The following TRPC5 variants were observed in gnomAD, a reference collection of about 807,000 sequenced individuals.
TRPC5 encodes the protein short transient receptor potential channel 5.
In TRPC5, 9 loss-of-function variants were observed where a neutral mutation model predicts 56.5. The observed-to-expected ratio is 0.16, with a 90% CI of 0.10 to 0.28. The LOEUF (loss-of-function observed/expected upper bound fraction) is 0.28. Ranked by LOEUF, TRPC5 falls within the 10% of genes least tolerant of loss-of-function variation. TRPC5 has a pLI of 1.00. For missense variants in TRPC5, 469 were observed against 748.9 expected (o/e 0.63, Z 4.36); for synonymous variants, 282 against 278.5 (o/e 1.01, Z -0.13).
chrX:111,774,654 C>G lies in TRPC5; in HGVS notation c.*1659G>C, dbSNP rs1182153821. 1 of 111,080 alleles carries G rather than the reference C, an allele frequency of 9.0e-6. No individual in the cohort carries two copies. The allele number at this position is 111,080 out of a possible 1,213,427, so 9.2% of individuals were successfully genotyped here. On this transcript the variant is annotated 3_prime_UTR_variant, in exon 11 of 11. Transcript: ENST00000262839. ...CCCTCCCCCTCCATTTTGCTCTTCTCCAGGCTAGAGACAAAGATGGGAATC... is the reference window on the plus strand; with the variant it reads ...CCCTCCCCCTCCATTTTGCTCTTCTGCAGGCTAGAGACAAAGATGGGAATC...
chrX:112,056,867 GT>G (rs749169680), intron 1 of TRPC5, among the ~76,000 whole-genome samples: 1 of 112,396 alleles, frequency 8.9e-6, no homozygotes, highest in East Asian at 2.8e-4. Context: ...AATTTCAATT[GT>G]TTGATTTTCC....
intron 7 of TRPC5, among the ~76,000 whole-genome samples, chrX:111,790,253 T>C (rs1158774837): frequency 9.0e-6 from 1 of 111,520 alleles, no homozygotes; most frequent in Non-Finnish European, 1.9e-5. Context: ...GTTCATGTCC[T>C]TTGCAGGGAC....
At chrX:111,949,876 G>A (rs762545418) in intron 2 of TRPC5, among the ~76,000 whole-genome samples, 4 of 111,379 alleles carry the variant, frequency 3.6e-5, no homozygotes, top group Non-Finnish European at 5.6e-5. Context: ...GTCATTATAC[G>A]AAAAAGATAA....
chrX:111,892,247 A>G (rs755579634), intron 3 of TRPC5, among the ~76,000 whole-genome samples: 2 of 112,543 alleles, frequency 1.8e-5, no homozygotes, highest in African/African-American at 6.5e-5. Context: ...ATGTTTGCAT[A>G]ATGCTCTCCT....
At chrX:111,969,188 C>G (rs775418675) in intron 1 of TRPC5, among the ~76,000 whole-genome samples, 7 of 110,807 alleles carry the variant, frequency 6.3e-5, no homozygotes, top group Non-Finnish European at 1.3e-4. Flanking sequence ...TTGCTGAAAA[C>G]TCAGATAATC....
At chrX:112,014,155 A>C (rs906792306) in intron 1 of TRPC5, among the ~76,000 whole-genome samples, 4 of 111,680 alleles carry the variant, frequency 3.6e-5, no homozygotes. Context: ...CTGCTGGTCC[A>C]GGGACCATAC....
intron 5 of TRPC5, among the ~76,000 whole-genome samples, chrX:111,850,485 G>A (rs1373923863): frequency 1.8e-5 from 2 of 112,104 alleles, no homozygotes; most frequent in Non-Finnish European, 3.8e-5. Context: ...TGTCATAGAA[G>A]TTGGCTCAGC....
chrX:111,791,019 CAAAAAAAAAAAAAAAAA>C (rs753897017), intron 7 of TRPC5, among the ~76,000 whole-genome samples: 7 of 9,299 alleles, frequency 7.5e-4, no homozygotes, highest in Non-Finnish European at 1.3e-3. Flanking sequence ...GACTCCATCT[CAAAAAAAAAAAAAAAAA>C]AAAAAAAAAA....
At chrX:112,025,742 T>G (rs1929396850) in intron 1 of TRPC5, among the ~76,000 whole-genome samples, 1 of 111,606 alleles carries the variant, frequency 9.0e-6, no homozygotes, top group African/African-American at 3.3e-5. Flanking sequence ...TTCTTTAAAC[T>G]AGCCAATCCA....
chrX:111,859,989 A>G (rs868294608), intron 3 of TRPC5, among the ~76,000 whole-genome samples: 6 of 112,842 alleles, frequency 5.3e-5, no homozygotes, highest in Middle Eastern at 4.6e-3. Flanking sequence ...GCTCACTGCA[A>G]GCTCCGCCTC....
chrX:111,811,490 G>A (rs761131544), intron 7 of TRPC5, among the ~76,000 whole-genome samples: 52 of 112,449 alleles, frequency 4.6e-4, no homozygotes, highest in Non-Finnish European at 6.9e-4. Flanking sequence ...TTTGCCATGG[G>A]ATACAGTGTT....
intron 1 of TRPC5, among the ~76,000 whole-genome samples, chrX:112,066,386 G>A (rs1930584811): frequency 8.9e-6 from 1 of 111,839 alleles, no homozygotes; most frequent in Non-Finnish European, 1.9e-5. Flanking sequence ...GTGTACGGTG[G>A]TGAACCAGAA....
At chrX:111,916,328 G>A (rs927358133) in intron 2 of TRPC5, among the ~76,000 whole-genome samples, 2 of 111,349 alleles carry the variant, frequency 1.8e-5, no homozygotes, top group African/African-American at 6.5e-5. Context: ...ACAAACTTGG[G>A]ACATTTCTGC....
intron 7 of TRPC5, among the ~76,000 whole-genome samples, chrX:111,792,480 A>T (rs1946030438): frequency 8.9e-6 from 1 of 111,764 alleles, no homozygotes; most frequent in Non-Finnish European, 1.9e-5. Context: ...TAAAAAATTA[A>T]AAAAAAGCAC....
chrX:112,039,963 G>A (rs919169134), intron 1 of TRPC5, among the ~76,000 whole-genome samples: 2 of 112,106 alleles, frequency 1.8e-5, no homozygotes, highest in Admixed American at 9.4e-5. Flanking sequence ...AAGCACAGGC[G>A]AGTTTTTAAC....
chrX:111,821,431 T>C (rs757871155), intron 7 of TRPC5, among the ~76,000 whole-genome samples: 2 of 111,813 alleles, frequency 1.8e-5, no homozygotes, highest in East Asian at 2.8e-4. Context: ...ATAACGTAAT[T>C]CTGCTGTCAG....
Position 112,051,682 on chromosome X carries a change from C to T in TRPC5, c.-22+30197G>A, listed in dbSNP as rs1215529364. On this transcript the variant is annotated intron_variant, in intron 1 of 10. Transcript: ENST00000262839. The stretch of plus-strand genomic sequence containing the variant: ...TCTTAACCAGTTTTAAGTACACAGT[C>T]CAGTAGTGTTAAGTACATTTCACAT... Among the ~76,000 whole-genome samples the T allele has an allele frequency of 1.8e-5, 2 of 112,156 alleles. 1 individual carries two copies. Among genetic ancestry groups the T allele is most frequent in the South Asian group, 7.4e-4 (2 of 2,707 alleles).
At chrX:111,824,028 C>T (rs1016945061) in intron 7 of TRPC5, among the ~76,000 whole-genome samples, 2 of 109,618 alleles carry the variant, frequency 1.8e-5, no homozygotes, top group Non-Finnish European at 3.8e-5. Context: ...CTCAGGAGTT[C>T]GAGATCAGCC....
intron 1 of TRPC5, among the ~76,000 whole-genome samples, chrX:111,989,926 A>G (rs1480574058): frequency 8.9e-6 from 1 of 112,369 alleles, no homozygotes; most frequent in African/African-American, 3.2e-5. Context: ...AACCAATAAC[A>G]CTTTTTACCT....
Sources: gnomAD v4.1 joint callset for allele counts (sites outside exome capture counted in the v4.1 genomes callset) on GRCh38, gnomAD v4.1.1 for gene constraint, MANE v1.5 for transcripts, NCBI Gene and HGNC (gene_info 2026-07-23, HGNC 2026-07-21) for gene names.